The following ARHGAP39 variants were observed in gnomAD, a reference collection of about 807,000 sequenced individuals.
ARHGAP39 encodes the protein Rho GTPase activating protein 39.
A neutral mutation model predicts 106.9 loss-of-function variants in ARHGAP39; 44 were observed. That is an observed-to-expected ratio of 0.41 (90% CI 0.32 to 0.53). The LOEUF (loss-of-function observed/expected upper bound fraction) is 0.53. Among genes scored for constraint, ARHGAP39 ranks in the 20% least tolerant of loss-of-function variants. The pLI is 0.21. For synonymous variants in ARHGAP39, 768 were observed against 693.2 expected, an observed-to-expected ratio of 1.11 and a Z score of -1.69; for missense variants, 1,496 against 1,577.3, an observed-to-expected ratio of 0.95 and a Z score of 0.87.
intron 7 of ARHGAP39, 60 bp from the exon 8 acceptor site, chr8:144,534,262 G>T: frequency 6.3e-7 from 1 of 1,587,870 alleles, no homozygotes; most frequent in South Asian, 1.1e-5. Flanking sequence ...GGCCAGGAGA[G>T]GGGTGAGCAG....
intron 3 of ARHGAP39, among the ~76,000 whole-genome samples, chr8:144,569,891 G>A (rs768458171): frequency 6.6e-6 from 1 of 152,206 alleles, no homozygotes; most frequent in African/African-American, 2.4e-5. Context: ...AGTAGTGGGT[G>A]TGGGGAAAAT....
At chr8:144,688,134 T>G (rs1822670816), upstream of ARHGAP39, among the ~76,000 whole-genome samples, 1 of 151,878 alleles carries the variant, frequency 6.6e-6, no homozygotes, top group Non-Finnish European at 1.5e-5. Context: ...GATGGAGTCT[T>G]GCTGTGTCAC....
chr8:144,579,672 G>C (rs1818897310), intron 3 of ARHGAP39, among the ~76,000 whole-genome samples: 1 of 152,070 alleles, frequency 6.6e-6, no homozygotes, highest in South Asian at 2.1e-4. Flanking sequence ...CGGTGGGACG[G>C]AAGCCTGCTG....
chr8:144,612,761 C>T lies in ARHGAP39; in HGVS notation c.-81-7066G>A, dbSNP rs554792009. Among the ~76,000 whole-genome samples, 155 of 151,882 alleles carry T rather than the reference C, an allele frequency of 1.0e-3. No homozygotes were observed. The Middle Eastern group carries it at 0.014, about 13-fold the overall frequency. On this transcript the variant is annotated intron_variant, in intron 1 of 11. Coordinates refer to ENST00000377307, the MANE Select transcript of ARHGAP39 (RefSeq NM_025251.3). ...GACAGAGTGAGGTGAGCCACGGCTGCGCCGCTGCACTCCAGCCAGGGGGAT... is the reference window on the plus strand; with the variant it reads ...GACAGAGTGAGGTGAGCCACGGCTGTGCCGCTGCACTCCAGCCAGGGGGAT...
In ARHGAP39 at chr8:144,641,698, G is replaced by A. The variant is rs77185819; in HGVS notation, c.-81-36003C>T. 0.093 allele frequency among the ~76,000 whole-genome samples: 14,094 copies of A among 152,268 alleles called. 1,716 individuals carry two copies. Among genetic ancestry groups the A allele is most frequent in the African/African-American group, 0.26 (10,999 of 41,520 alleles). ...TGGGCTCTATTTAGGAGGGGAGCTC[G>A]GGAAGAAGAAACGCAGACCCAGGAT... On this transcript the variant is annotated intron_variant, in intron 1 of 11. Transcript: ENST00000377307. The surrounding 1 kb of genome is among the most constrained non-coding windows in gnomAD (Gnocchi z 5.2).
intron 7 of ARHGAP39, 61 bp downstream of exon 7, chr8:144,537,660 C>T (rs944200694): frequency 1.1e-4 from 160 of 1,484,046 alleles, no homozygotes; most frequent in African/African-American, 3.0e-4. Flanking sequence ...GCCAGGCGGC[C>T]GAGGCTGGAG....
At chr8:144,603,687 CAAAAAAAA>C (rs922284218) in intron 2 of ARHGAP39, among the ~76,000 whole-genome samples, 5 of 77,702 alleles carry the variant, frequency 6.4e-5, no homozygotes, top group African/African-American at 2.2e-4. Flanking sequence ...GAGACTCCAT[CAAAAAAAA>C]AAAAAAAAAA....
At chr8:144,535,661 C>A (rs566966459) in intron 7 of ARHGAP39, among the ~76,000 whole-genome samples, 3 of 152,192 alleles carry the variant, frequency 2.0e-5, no homozygotes, top group African/African-American at 7.2e-5. Context: ...GCTGTCCCTG[C>A]GGGAAGACAG....
chr8:144,594,634 C>T (rs1469910065), intron 2 of ARHGAP39, among the ~76,000 whole-genome samples: 4 of 149,550 alleles, frequency 2.7e-5, no homozygotes, highest in East Asian at 4.0e-4. Flanking sequence ...GCGGATGTTG[C>T]GGTGAGCTGA....
At chr8:144,616,989 A>C (rs1820652666) in intron 1 of ARHGAP39, among the ~76,000 whole-genome samples, 1 of 152,170 alleles carries the variant, frequency 6.6e-6, no homozygotes. Context: ...AAGCAGGAGA[A>C]TCACTTGAGG....
chr8:144,619,488 G>A (rs534404280), intron 1 of ARHGAP39, among the ~76,000 whole-genome samples: 209 of 152,126 alleles, frequency 1.4e-3, no homozygotes, highest in Middle Eastern at 6.8e-3. Context: ...CTGAGAGACC[G>A]TTTGTGTGAG....
At position 144,547,303 on chromosome 8, in the gene ARHGAP39, TGGGCAGTGGCA is replaced by T; in HGVS notation, c.1772_1782del (p.Leu591HisfsTer61). The T allele has an allele frequency of 6.2e-7, 1 of 1,611,684 alleles. No individual in the cohort carries two copies. The highest frequency in any genetic ancestry group is 8.5e-7 in the Non-Finnish European group (1 of 1,179,546). The stretch of plus-strand genomic sequence containing the variant: ...AAGGCCCGCACCACCGGCCCGGGCA[TGGGCAGTGGCA>T]GGGCGCCGTCGCTCTCGTAGCCAGA... On this transcript the variant is annotated frameshift_variant, in exon 5 of 12. Coordinates refer to ENST00000377307, the MANE Select transcript of ARHGAP39 (RefSeq NM_025251.3). LOFTEE classifies it high-confidence loss of function. This position sits in a 1 kb window ranked among gnomAD's most constrained non-coding sequence, Gnocchi z 5.2.
intron 1 of ARHGAP39, among the ~76,000 whole-genome samples, chr8:144,662,911 AC>A (rs1452454473): frequency 1.9e-5 from 1 of 51,678 alleles, no homozygotes; most frequent in South Asian, 8.2e-4. Flanking sequence ...CCTATCCCCC[AC>A]CCCCATTATC....
intron 8 of ARHGAP39, among the ~76,000 whole-genome samples, 188 bp from the exon 9 acceptor site, chr8:144,533,513 C>A (rs944295742): frequency 6.6e-6 from 1 of 152,218 alleles, no homozygotes; most frequent in East Asian, 1.9e-4. Context: ...CCTCGCCCCC[C>A]AAACCCTAAC....
rs112419266 is a variant in ARHGAP39, at chr8:144,549,735, C to T, written c.597-1246G>A. On this transcript the variant is annotated intron_variant, in intron 4 of 11. Coordinates refer to ENST00000377307, the MANE Select transcript of ARHGAP39 (RefSeq NM_025251.3). The stretch of plus-strand genomic sequence containing the variant: ...GTCCCGAACTCCTGACCTCCTGATC[C>T]GCCTGCCTCGGCCTCCCAAAGTGCT... 2.9e-4 allele frequency among the ~76,000 whole-genome samples: 44 copies of T among 152,276 alleles called. 1 individual carries two copies. In the East Asian group the frequency reaches 6.6e-3, roughly 23 times the overall value.
intron 10 of ARHGAP39, 111 bp downstream of exon 10, chr8:144,532,194 C>T: frequency 1.2e-6 from 1 of 861,074 alleles, no homozygotes; most frequent in Non-Finnish European, 1.9e-6. Flanking sequence ...ACTGGGAAGC[C>T]ATCACATCAC....
rs1369567538 is a variant in ARHGAP39 at position 144,604,583 on chromosome 8, G to A, written c.80+952C>T. On this transcript the variant is annotated intron_variant, in intron 2 of 11. Coordinates refer to ENST00000377307, the MANE Select transcript of ARHGAP39 (RefSeq NM_025251.3). The surrounding 1 kb of genome is among the most constrained non-coding windows in gnomAD (Gnocchi z 4.1). ...TGTAGAGATGGGGTCTCGCTAGGTT[G>A]CCCAGGCTGGGATGATCTGTTTTAA... Among the ~76,000 whole-genome samples the A allele has an allele frequency of 2.0e-5, 3 of 152,116 alleles. No individual in the cohort carries two copies. Among genetic ancestry groups the A allele is most frequent in the Non-Finnish European group, 4.4e-5 (3 of 68,024 alleles).
At chr8:144,629,846 T>C (rs949661486) in intron 1 of ARHGAP39, among the ~76,000 whole-genome samples, 1 of 151,752 alleles carries the variant, frequency 6.6e-6, no homozygotes, top group Middle Eastern at 3.4e-3. Context: ...GACGGCCCTG[T>C]GGGAAGTGTT....
intron 1 of ARHGAP39, among the ~76,000 whole-genome samples, chr8:144,617,523 G>A (rs1220406477): frequency 6.6e-6 from 1 of 151,834 alleles, no homozygotes; most frequent in Non-Finnish European, 1.5e-5. Context: ...TGGGCATCCT[G>A]GGAACACAGC....
Sources: gnomAD v4.1 joint callset for allele counts (sites outside exome capture counted in the v4.1 genomes callset) on GRCh38, gnomAD v4.1.1 for gene constraint, Gnocchi (gnomAD v3.1) non-coding constraint, MANE v1.5 for transcripts, NCBI Gene and HGNC (gene_info 2026-07-23, HGNC 2026-07-21) for gene names.